PCDH10: variants seen among roughly 807,000 people sequenced by gnomAD.
The protein encoded by PCDH10 is protocadherin-10.
Under a neutral mutation model 74.4 loss-of-function variants are expected in PCDH10, and 15 were observed. That is an observed-to-expected ratio of 0.20 (90% CI 0.13 to 0.31). The LOEUF (loss-of-function observed/expected upper bound fraction) is 0.31. Among genes scored for constraint, PCDH10 ranks in the 10% least tolerant of loss-of-function variants. The probability of loss-of-function intolerance (pLI) is 1.00; values close to 1 mark genes in which losing one functional copy is unlikely to be tolerated. For missense variants in PCDH10, 1,260 were observed against 1,390.2 expected, an observed-to-expected ratio of 0.91 and a Z score of 1.49; for synonymous variants, 619 against 589.8, an observed-to-expected ratio of 1.05 and a Z score of -0.72.
Position 133,151,337 on chromosome 4 carries a change from A to G in PCDH10, c.1197A>G (p.Gly399=). Residue 399 remains glycine, a synonymous_variant, in exon 1 of 5, where the codon GGA becomes GGG. Coordinates refer to ENST00000264360, the MANE Select transcript of PCDH10 (RefSeq NM_032961.3). Reference sequence around the variant, plus strand: ...GGCAGGTGCAGTGCGAGCTACTGGGAGACGTGCCTTTCCGCCTCAAGTCTT... The same window carrying G: ...GGCAGGTGCAGTGCGAGCTACTGGGGGACGTGCCTTTCCGCCTCAAGTCTT... ...ENGQVQCELL[G]DVPFRLKSSF... is the part of the protein sequence containing the mutation. The G allele has an allele frequency of 6.2e-7, 1 of 1,614,144 alleles. No homozygotes were observed.
chr4:133,152,885 G>A (rs1726771525), intron 1 of PCDH10, 114 bp downstream of exon 1: 4 of 1,488,542 alleles, frequency 2.7e-6, no homozygotes, highest in African/African-American at 1.4e-5. Context: ...ATTAGCTTAT[G>A]TGTATCGTTG....
At chr4:133,207,568 G>A (rs1435848854) in intron 2 of PCDH10, among the ~76,000 whole-genome samples, 3 of 140,842 alleles carry the variant, frequency 2.1e-5, no homozygotes, top group Non-Finnish European at 4.8e-5. Context: ...ATATTTGTGA[G>A]GTTTTTTTTT....
intron 4 of PCDH10, among the ~76,000 whole-genome samples, chr4:133,178,103 G>A (rs1727332165): frequency 6.6e-6 from 1 of 151,988 alleles, no homozygotes. Flanking sequence ...CAGAGGTATA[G>A]TTAAGGTTAA....
rs369971010 is a variant in PCDH10, at chr4:133,163,076, C to T, written c.2897C>T (p.Ala966Val). 2.5e-6 allele frequency: 4 copies of T among 1,614,094 alleles called. No homozygotes were observed. Among genetic ancestry groups the T allele is most frequent in the Non-Finnish European group, 3.4e-6 (4 of 1,179,966 alleles). ...TTTGTCCCTTCTGATGGACGCCAGG[C>T]TGCTGATTATCGCAGCAATCTGCAT... ...PSFVPSDGRQ[A>V]ADYRSNLHVP... Residue 966 changes from alanine to valine, a missense_variant, in exon 4 of 5, where the codon GCT becomes GTT. By Grantham distance (64) the Ala-to-Val change is moderately conservative (BLOSUM62 0). Coordinates refer to ENST00000264360, the MANE Select transcript of PCDH10 (RefSeq NM_032961.3).
intron 2 of PCDH10, among the ~76,000 whole-genome samples, chr4:133,203,440 A>C (rs1383114448): frequency 2.0e-5 from 3 of 152,170 alleles, no homozygotes; most frequent in Admixed American, 2.0e-4. Flanking sequence ...CATAGGATTT[A>C]AGAGCCCCAG....
At chr4:133,202,506 G>C (rs1727924693) in intron 2 of PCDH10, among the ~76,000 whole-genome samples, 1 of 152,054 alleles carries the variant, frequency 6.6e-6, no homozygotes, top group South Asian at 2.1e-4. Context: ...AGGTGTTCTG[G>C]TGAGGCCTTG....
intron 4 of PCDH10, among the ~76,000 whole-genome samples, chr4:133,177,028 ATG>A (rs1186431247): frequency 1.3e-5 from 2 of 151,820 alleles, no homozygotes; most frequent in African/African-American, 4.9e-5. Flanking sequence ...TGACTCATCT[ATG>A]TTTAGAGAAT....
chr4:133,150,094 T>C lies in PCDH10; in HGVS notation c.-47T>C, dbSNP rs781217636. ...TGTTTCGTGGTGGTGGGGGAGGTGA[T>C]TGGGTGGCTGACTGGCTGCGGGAAG... On this transcript the variant is annotated 5_prime_UTR_variant, in exon 1 of 5. Transcript: ENST00000264360. The C allele has an allele frequency of 5.5e-6, 8 of 1,458,426 alleles. No homozygotes were observed. Among genetic ancestry groups the C allele is most frequent in the East Asian group, 4.8e-5 (2 of 41,538 alleles). The allele number at this position is 1,458,426 out of a possible 1,614,324, so 90.3% of individuals were successfully genotyped here.
intron 1 of PCDH10, chr4:133,153,556 T>A (rs1409596547): frequency 6.6e-6 from 1 of 152,222 alleles, no homozygotes; most frequent in African/African-American, 2.4e-5. Flanking sequence ...GAATTTGGCT[T>A]GTCAATTCTG....
At position 133,150,816 on chromosome 4, in the gene PCDH10, C is replaced by G; in HGVS notation, c.676C>G (p.Pro226Ala). ...GGGGGGAGLP[P>A]QQQRTGTALL... ...AGGTGGCGGGGGAGCAGGCCTGCCC[C>G]CCCAGCAGCAGCGCACCGGCACGGC... Residue 226 changes from proline to alanine, a missense_variant, in exon 1 of 5, where the codon CCC becomes GCC. This residue lies in a region of PCDH10 where 192 missense variants were observed against 161.2 expected (regional missense o/e 1.19). Transcript: ENST00000264360. 4 of 1,588,314 alleles carry G rather than the reference C, an allele frequency of 2.5e-6. No homozygotes were observed. The highest frequency in any genetic ancestry group is 3.4e-6 in the Non-Finnish European group (4 of 1,168,842).
rs141493541 is a variant in PCDH10, at chr4:133,159,047, T to C, written c.2798-3930T>C. On this transcript the variant is annotated intron_variant, in intron 3 of 4. Transcript: ENST00000264360. ...CTGCAATTTTTGTGGTTACAATTAA[T>C]GTATTTTAAGTCGTTAAAAGAGGAC... is the stretch of plus-strand genomic sequence containing the variant. Among the ~76,000 whole-genome samples, 380 of 152,208 alleles carry C rather than the reference T, an allele frequency of 2.5e-3. 1 individual carries two copies. Among genetic ancestry groups the C allele is most frequent in the African/African-American group, 8.6e-3 (357 of 41,574 alleles).
chr4:133,196,245 C>A (rs551292603), downstream of PCDH10, among the ~76,000 whole-genome samples: 30 of 152,220 alleles, frequency 2.0e-4, no homozygotes, highest in Admixed American at 1.8e-3. Context: ...TTACTCAAAT[C>A]AGTTTTTCAG....
intron 2 of PCDH10, among the ~76,000 whole-genome samples, chr4:133,200,527 G>C (rs1727883257): frequency 6.6e-6 from 1 of 152,098 alleles, no homozygotes; most frequent in Non-Finnish European, 1.5e-5. Context: ...TTTTGAAGAA[G>C]TCTTAACACC....
intron 4 of PCDH10, among the ~76,000 whole-genome samples, chr4:133,178,293 A>G (rs1727335936): frequency 6.6e-6 from 1 of 151,802 alleles, no homozygotes; most frequent in Non-Finnish European, 1.5e-5. Flanking sequence ...CTAGAGTGCA[A>G]TGGCACTATC....
At chr4:133,155,792 G>C (rs1412457296) in intron 3 of PCDH10, among the ~76,000 whole-genome samples, 1 of 151,948 alleles carries the variant, frequency 6.6e-6, no homozygotes, top group East Asian at 1.9e-4. Flanking sequence ...ATGAGATCCT[G>C]GTAACTCTTA....
intron 2 of PCDH10, among the ~76,000 whole-genome samples, chr4:133,202,605 C>T (rs1021146932): frequency 1.3e-4 from 20 of 151,950 alleles, no homozygotes; most frequent in Admixed American, 9.8e-4. Flanking sequence ...GGAATCTTTA[C>T]CTCCAAGGGG....
rs1727014505 is a variant in PCDH10, at chr4:133,163,372, G to C, written c.3103+90G>C. The stretch of plus-strand genomic sequence containing the variant: ...CTCTTTTTGGTAAAAATGGAGTTCA[G>C]GTTTTTTTAAGAAATAAAGATAAAA... On this transcript the variant is annotated intron_variant, in intron 4 of 4. Coordinates refer to ENST00000264360, the MANE Select transcript of PCDH10 (RefSeq NM_032961.3). 2.7e-5 allele frequency: 33 copies of C among 1,222,174 alleles called. No homozygotes were observed. In the South Asian group the frequency reaches 4.8e-4, roughly 18 times the overall value. 75.7% of individuals were successfully genotyped at this position (1,222,174 alleles called of 1,614,324 possible).
chr4:133,165,065 CAT>C (rs768229684), intron 4 of PCDH10, among the ~76,000 whole-genome samples: 34 of 146,848 alleles, frequency 2.3e-4, no homozygotes, highest in African/African-American at 6.9e-4. Flanking sequence ...TATATATACA[CAT>C]ATATATATAC....
rs879665379 is a variant in PCDH10, at chr4:133,150,657, A to G, written c.517A>G (p.Thr173Ala). The change falls in exon 1 of 5, where the codon ACC (threonine) becomes GCC (alanine). Residue 173 changes from threonine to alanine, a missense_variant. Thr to Ala is a moderately conservative substitution (Grantham distance 58, BLOSUM62 0). Coordinates refer to ENST00000264360, the MANE Select transcript of PCDH10 (RefSeq NM_032961.3). ...PNSYFSLDVQ[T>A]QGDGNRFAEL... Reference sequence around the variant, plus strand: ...CAGCTACTTCTCCCTGGACGTGCAGACCCAGGGGGATGGCAACCGATTCGC... The same window carrying G: ...CAGCTACTTCTCCCTGGACGTGCAGGCCCAGGGGGATGGCAACCGATTCGC... 4 of 1,612,774 alleles carry G rather than the reference A, an allele frequency of 2.5e-6. No homozygotes were observed. The African/African-American group carries it at 4.0e-5, about 16-fold the overall frequency.
Sources: gnomAD v4.1 joint callset for allele counts (sites outside exome capture counted in the v4.1 genomes callset) on GRCh38, gnomAD v4.1.1 for gene constraint, gnomAD v4.1.1 regional missense constraint, MANE v1.5 for transcripts, NCBI Gene and HGNC (gene_info 2026-07-23, HGNC 2026-07-21) for gene names.